PKD1L1: variants seen among roughly 807,000 people sequenced by gnomAD.
PKD1L1 encodes the protein polycystin 1 like 1, transient receptor potential channel interacting.
Under a neutral mutation model 323.4 loss-of-function variants are expected in PKD1L1, and 236 were observed. The observed-to-expected ratio is 0.73, with a 90% confidence interval of 0.66 to 0.81. The LOEUF (loss-of-function observed/expected upper bound fraction) is 0.81, where lower values mean the gene tolerates loss of function less well. Among genes scored for constraint, PKD1L1 ranks in the 40% least tolerant of loss-of-function variants. The pLI is 0.00. For missense variants in PKD1L1, 3,320 were observed against 3,508.0 expected (o/e 0.95, Z 1.35); for synonymous variants, 1,344 against 1,335.0 (o/e 1.01, Z -0.15).
chr7:47,895,832 G>A (rs1423988144), intron 14 of PKD1L1, among the ~76,000 whole-genome samples: 1 of 152,162 alleles, frequency 6.6e-6, no homozygotes, highest in Non-Finnish European at 1.5e-5. Flanking sequence ...CTTGAGGAAT[G>A]GGGGGTTAAT....
intron 46 of PKD1L1, among the ~76,000 whole-genome samples, chr7:47,817,609 C>G (rs1211196655): frequency 1.3e-5 from 2 of 152,146 alleles, no homozygotes; most frequent in Non-Finnish European, 2.9e-5. Context: ...TGGCTCAGGC[C>G]TATAATCCTA....
intron 56 of PKD1L1, among the ~76,000 whole-genome samples, chr7:47,780,312 C>T (rs1170556929): frequency 6.6e-6 from 1 of 152,088 alleles, no homozygotes; most frequent in African/African-American, 2.4e-5. Flanking sequence ...GAACTGCTTC[C>T]CTTGTCTATA....
intron 7 of PKD1L1, among the ~76,000 whole-genome samples, chr7:47,924,632 T>C (rs557393934): frequency 4.6e-5 from 7 of 152,330 alleles, no homozygotes; most frequent in African/African-American, 1.7e-4. Flanking sequence ...AATGTGGCTT[T>C]AATCTTCAGA....
At chr7:47,931,364 G>C in intron 5 of PKD1L1, 43 bp from the exon 6 acceptor site, 2 of 1,598,084 alleles carry the variant, frequency 1.3e-6, no homozygotes, top group Non-Finnish European at 8.6e-7. Context: ...GAATGGCCTC[G>C]TCTGGCATCA....
chr7:47,921,045 A>G (rs944301615), intron 7 of PKD1L1, among the ~76,000 whole-genome samples: 10 of 152,158 alleles, frequency 6.6e-5, no homozygotes, highest in African/African-American at 2.4e-4. Context: ...AATAGTTGGG[A>G]GTTAATTAAA....
intron 13 of PKD1L1, among the ~76,000 whole-genome samples, chr7:47,901,253 G>T (rs970839713): frequency 2.1e-5 from 3 of 145,334 alleles, no homozygotes; most frequent in Admixed American, 1.4e-4. Flanking sequence ...CAGGAGAATC[G>T]CTTAAAGCCA....
chr7:47,931,794 T>C, intron 5 of PKD1L1, 142 bp downstream of exon 5: 3 of 1,106,592 alleles, frequency 2.7e-6, no homozygotes, highest in Non-Finnish European at 3.8e-6. Flanking sequence ...GCCTGAGCAG[T>C]GTCCAAATGA....
At chr7:47,903,879 C>G (rs903775997) in intron 12 of PKD1L1, among the ~76,000 whole-genome samples, 1 of 152,200 alleles carries the variant, frequency 6.6e-6, no homozygotes, top group Non-Finnish European at 1.5e-5. Flanking sequence ...CCCAGGTACA[C>G]AGTGGACACT....
intron 8 of PKD1L1, among the ~76,000 whole-genome samples, chr7:47,910,174 TAACTA>T (rs968488371): frequency 6.6e-6 from 1 of 152,156 alleles, no homozygotes; most frequent in Non-Finnish European, 1.5e-5. Context: ...AACCAGAACT[TAACTA>T]AGAGTGTGCT....
intron 7 of PKD1L1, among the ~76,000 whole-genome samples, chr7:47,919,688 C>T (rs187404760): frequency 1.6e-4 from 24 of 152,196 alleles, no homozygotes; most frequent in African/African-American, 2.6e-4. Context: ...GGGTTTCATA[C>T]GAGGGATGCA....
rs537746889 is a variant in PKD1L1, at chr7:47,891,543, A to G, written c.2454-780T>C. Among the ~76,000 whole-genome samples, 53 of 152,336 alleles carry G rather than the reference A, an allele frequency of 3.5e-4. 1 individual carries two copies. Among genetic ancestry groups the G allele is most frequent in the Admixed American group, 1.8e-3 (27 of 15,304 alleles). ...AAATGTGAACTGATATTGATCTTTT[A>G]AAGAGCATTTCTCTGTCTGGTGTGC... On this transcript the variant is annotated intron_variant, in intron 15 of 56. Transcript: ENST00000289672.
At chr7:47,911,197 A>C (rs1392475795) in intron 8 of PKD1L1, among the ~76,000 whole-genome samples, 2 of 152,056 alleles carry the variant, frequency 1.3e-5, no homozygotes, top group Non-Finnish European at 2.9e-5. Context: ...ACTTCTCTTG[A>C]AATCTGGCTA....
chr7:47,908,636 A>G (rs564773688), intron 8 of PKD1L1, among the ~76,000 whole-genome samples: 2 of 152,362 alleles, frequency 1.3e-5, no homozygotes, highest in East Asian at 3.9e-4. Flanking sequence ...ATACTTAAAC[A>G]GCCAAATGGG....
intron 2 of PKD1L1, among the ~76,000 whole-genome samples, chr7:47,940,746 G>A (rs767436336): frequency 3.9e-5 from 6 of 152,180 alleles, no homozygotes; most frequent in Non-Finnish European, 8.8e-5. Flanking sequence ...AAGTTTATAA[G>A]CAGGATGTTC....
rs1785532093 is a variant in PKD1L1, at chr7:47,839,805, G to A, written c.5553-143C>T. ...GTCAAAGGTGACTGACATGCAGAGT[G>A]ACATGTGAAGCCCCCTGGAACCCGG... On this transcript the variant is annotated intron_variant, in intron 35 of 56. Transcript: ENST00000289672. The surrounding 1 kb of genome is among the most constrained non-coding windows in gnomAD (Gnocchi z 4.3). The A allele has an allele frequency of 2.5e-6, 2 of 812,410 alleles. No individual in the cohort carries two copies. Among genetic ancestry groups the A allele is most frequent in the East Asian group, 2.7e-5 (1 of 37,050 alleles). The allele number at this position is 812,410 out of a possible 1,614,324, so 50.3% of individuals were successfully genotyped here. A position where few individuals can be genotyped will look rare whatever the true frequency, so the allele number is the denominator to read the frequency against.
At chr7:47,883,253 G>A (rs1786604796) in intron 19 of PKD1L1, among the ~76,000 whole-genome samples, 1 of 152,098 alleles carries the variant, frequency 6.6e-6, no homozygotes, top group Admixed American at 6.6e-5. Flanking sequence ...CTTCTCTTGG[G>A]GCTGGGGCTA....
intron 49 of PKD1L1, among the ~76,000 whole-genome samples, chr7:47,812,681 C>T (rs1042021548): frequency 5.9e-5 from 9 of 152,116 alleles, no homozygotes; most frequent in African/African-American, 1.7e-4. Flanking sequence ...GGCGGCCTGA[C>T]CTCAGACCTA....
the PKD1L1 span, chr7:47,957,363 A>C: frequency 1.3e-5 from 2 of 152,316 alleles, no homozygotes; most frequent in African/African-American, 4.8e-5. Context: ...AAGGCATCTA[A>C]ATCGGAAAGG....
At chr7:47,844,652 C>T (rs561881873) in intron 33 of PKD1L1, among the ~76,000 whole-genome samples, 1 of 152,168 alleles carries the variant, frequency 6.6e-6, no homozygotes, top group African/African-American at 2.4e-5. Context: ...CCAGGACAGG[C>T]TCTTTAGGTA....
Sources: gnomAD v4.1 joint callset for allele counts (sites outside exome capture counted in the v4.1 genomes callset) on GRCh38, gnomAD v4.1.1 for gene constraint, Gnocchi (gnomAD v3.1) non-coding constraint, MANE v1.5 for transcripts, NCBI Gene and HGNC (gene_info 2026-07-23, HGNC 2026-07-21) for gene names.